FIRRM: variants seen among roughly 807,000 people sequenced by gnomAD.
The protein encoded by FIRRM is FIGNL1 interacting regulator of recombination and mitosis.
At chr1:169,808,009 G>T in the FIRRM span, 1 of 1,347,310 alleles carries the variant, frequency 7.4e-7, no homozygotes. Context: ...GAATGTCTGG[G>T]TCAGTCTATT....
chr1:169,814,684 A>G, the FIRRM span, among the ~76,000 whole-genome samples: 1 of 152,258 alleles, frequency 6.6e-6, no homozygotes, highest in Non-Finnish European at 1.5e-5. Context: ...TGCAACTGCA[A>G]TTACCTGCCA....
At chr1:169,808,746 A>G in the FIRRM span, among the ~76,000 whole-genome samples, 1 of 151,766 alleles carries the variant, frequency 6.6e-6, no homozygotes, top group African/African-American at 2.4e-5. Flanking sequence ...CTGGGATTAT[A>G]GGCGCCTGCC....
the FIRRM span, chr1:169,851,454 C>G: frequency 6.6e-4 from 113 of 172,000 alleles, no homozygotes; most frequent in Non-Finnish European, 3.0e-4. Context: ...GCATTCCTCC[C>G]ACCAAAGTCC....
chr1:169,837,213 C>A, the FIRRM span: 1 of 827,898 alleles, frequency 1.2e-6, no homozygotes. Context: ...CACACACTCT[C>A]TGTTCTCTGT....
At chr1:169,836,769 A>G in the FIRRM span, among the ~76,000 whole-genome samples, 1 of 152,194 alleles carries the variant, frequency 6.6e-6, no homozygotes, top group African/African-American at 2.4e-5. Flanking sequence ...ATAATAAAGC[A>G]TGTTCATTTA....
chr1:169,803,111 A>G, the FIRRM span: 4 of 1,532,864 alleles, frequency 2.6e-6, no homozygotes, highest in Non-Finnish European at 3.6e-6. Flanking sequence ...ATGCTGACTA[A>G]TACCTTTTCA....
At chr1:169,848,711 A>G in the FIRRM span, among the ~76,000 whole-genome samples, 1 of 152,220 alleles carries the variant, frequency 6.6e-6, no homozygotes, top group Non-Finnish European at 1.5e-5. Flanking sequence ...TCTTCTTTTT[A>G]CCATGAAATA....
At chr1:169,829,420 TC>T in the FIRRM span, 1 of 1,612,880 alleles carries the variant, frequency 6.2e-7, no homozygotes, top group Admixed American at 1.7e-5. Context: ...ATTTATTACT[TC>T]CTTTCATCCC....
At chr1:169,848,358 A>G in the FIRRM span, among the ~76,000 whole-genome samples, 6 of 152,320 alleles carry the variant, frequency 3.9e-5, no homozygotes, top group South Asian at 4.1e-4. Context: ...AGAGATCTTC[A>G]TAAATTGAGA....
the FIRRM span, among the ~76,000 whole-genome samples, chr1:169,820,728 G>A: frequency 1.3e-5 from 2 of 152,318 alleles, no homozygotes; most frequent in South Asian, 4.1e-4. Flanking sequence ...CTTAACGAAA[G>A]TTGACTAATT....
the FIRRM span, among the ~76,000 whole-genome samples, chr1:169,784,408 T>G: frequency 2.0e-5 from 3 of 152,212 alleles, no homozygotes; most frequent in African/African-American, 7.2e-5. Context: ...CCTGATTGCC[T>G]GGTCTTCTTC....
At chr1:169,811,112 G>A in the FIRRM span, among the ~76,000 whole-genome samples, 1 of 150,122 alleles carries the variant, frequency 6.7e-6, no homozygotes, top group African/African-American at 2.5e-5. Context: ...CACCCGCCTC[G>A]GCCTCCCAAA....
chr1:169,811,017 G>A, the FIRRM span, among the ~76,000 whole-genome samples: 2 of 150,988 alleles, frequency 1.3e-5, no homozygotes, highest in Admixed American at 1.3e-4. Flanking sequence ...CTGCCACCGC[G>A]CCCGGCTAAT....
the FIRRM span, chr1:169,830,220 T>G: frequency 8.7e-6 from 13 of 1,490,678 alleles, no homozygotes; most frequent in Non-Finnish European, 1.2e-5. Context: ...ATTGTGAACT[T>G]TAGTATTTAA....
chr1:169,833,239 A>G, the FIRRM span, among the ~76,000 whole-genome samples: 3 of 152,156 alleles, frequency 2.0e-5, no homozygotes, highest in Non-Finnish European at 4.4e-5. Context: ...GAGCTCTTTT[A>G]AAAATATAAG....
the FIRRM span, chr1:169,852,738 G>GTTCT: frequency 2.5e-6 from 4 of 1,576,920 alleles, no homozygotes; most frequent in Admixed American, 3.5e-5. Context: ...CAAAAGGAAG[G>GTTCT]TTCTTTATAT....
chr1:169,811,458 A>C, the FIRRM span, among the ~76,000 whole-genome samples: 1 of 152,092 alleles, frequency 6.6e-6, no homozygotes, highest in Non-Finnish European at 1.5e-5. Flanking sequence ...GTTTGAGACC[A>C]GACTGAGCAA....
At chr1:169,785,556 G>A in the FIRRM span, among the ~76,000 whole-genome samples, 3 of 152,194 alleles carry the variant, frequency 2.0e-5, no homozygotes, top group East Asian at 1.9e-4. Flanking sequence ...TCCAGCAGCC[G>A]ATCTCCTCTC....
chr1:169,847,313 TAAAAAAAAAA>T, the FIRRM span, among the ~76,000 whole-genome samples: 6 of 86,336 alleles, frequency 6.9e-5, no homozygotes, highest in African/African-American at 1.8e-4. Context: ...CTTATATTTC[TAAAAAAAAAA>T]AAAAAAAAAA....
Sources: allele counts gnomAD v4.1 joint callset (sites outside exome capture counted in the v4.1 genomes callset), GRCh38; gene constraint gnomAD v4.1.1; transcripts MANE v1.5; gene names NCBI Gene and HGNC (gene_info 2026-07-23, HGNC 2026-07-21).